Variants in FRY observed in about 807,000 individuals in gnomAD.
FRY encodes FRY microtubule binding protein.
Under a neutral mutation model 348.4 loss-of-function variants are expected in FRY, and 128 were observed. That is an observed-to-expected ratio of 0.37 (90% CI 0.32 to 0.43). The LOEUF (loss-of-function observed/expected upper bound fraction) is 0.43, where lower values mean the gene tolerates loss of function less well. Ranked by LOEUF, FRY falls within the 20% of genes least tolerant of loss-of-function variation. FRY has a pLI of 1.00. For synonymous variants in FRY, 1,370 were observed against 1,374.7 expected, an observed-to-expected ratio of 1.00 and a Z score of 0.08; for missense variants, 2,736 against 3,695.2, an observed-to-expected ratio of 0.74 and a Z score of 6.73.
intron 1 of FRY, among the ~76,000 whole-genome samples, 197 bp downstream of exon 1, chr13:32,032,062 C>T (rs1044212806): frequency 7.2e-6 from 1 of 139,642 alleles, no homozygotes; most frequent in African/African-American, 3.1e-5. Flanking sequence ...CTCCCATCTG[C>T]TGTGAAAATC....
chr13:32,091,149 G>A (rs1294972074), intron 2 of FRY, among the ~76,000 whole-genome samples: 2 of 152,098 alleles, frequency 1.3e-5, no homozygotes, highest in African/African-American at 4.8e-5. Context: ...GGAATAAAAG[G>A]GGAGAAGTTT....
In FRY at chr13:32,117,433, T is replaced by C. The variant is rs774705783; in HGVS notation, c.424T>C (p.Ser142Pro). 2 of 1,613,852 alleles carry C rather than the reference T, an allele frequency of 1.2e-6. No individual in the cohort carries two copies. Among genetic ancestry groups the C allele is most frequent in the Non-Finnish European group, 8.5e-7 (1 of 1,179,724 alleles). Reference sequence around the variant, plus strand: ...AAGGCAAAATGGCATTGAGGATGAATCACATGAATACAGACCAAGAACAAG... The same window carrying C: ...AAGGCAAAATGGCATTGAGGATGAACCACATGAATACAGACCAAGAACAAG... The part of the protein sequence containing the change: ...YKRQNGIEDE[S>P]HEYRPRTSNK... Residue 142 changes from serine (S) to proline (P), a missense_variant, in exon 4 of 61, where the codon TCA becomes CCA. Coordinates refer to ENST00000542859, the MANE Select transcript of FRY (RefSeq NM_023037.3).
In FRY at chr13:32,267,341, G is replaced by C; in HGVS notation, c.8118G>C (p.Val2706=). The stretch of plus-strand genomic sequence containing the variant: ...CCTGTGCTGTGTATACATTTCATGT[G>C]TTCTCCTCCTTGTTTAAGGTATGTG... The part of the protein sequence containing the change: ...DGSCAVYTFH[V]FSSLFKNIQK... Residue 2706 remains valine (V), a synonymous_variant, in exon 55 of 61, where the codon GTG becomes GTC. Transcript: ENST00000542859. 1 of 1,614,022 alleles carries C rather than the reference G, an allele frequency of 6.2e-7. No individual in the cohort carries two copies. The highest frequency in any genetic ancestry group is 8.5e-7 in the Non-Finnish European group (1 of 1,179,940).
Position 32,184,982 on chromosome 13 carries a change from TG to T in FRY, c.3155del (p.Gly1052GlufsTer3). 6.2e-7 allele frequency: 1 copy of T among 1,613,700 alleles called. No individual in the cohort carries two copies. Among genetic ancestry groups the T allele is most frequent in the Non-Finnish European group, 8.5e-7 (1 of 1,179,658 alleles). On this transcript the variant is annotated frameshift_variant, in exon 26 of 61. Transcript: ENST00000542859. LOFTEE classifies it high-confidence loss of function. ...TCATTTTCCTTTATTCCAGCACAAA[TG>T]GAGCCCTAGAGCGGGATACTTTAGC... The part of the protein sequence containing the change: ...DAGVISDSTN[G>X]ALERDTLALG...
At chr13:32,157,589 A>G (rs1881189626) in intron 16 of FRY, among the ~76,000 whole-genome samples, 184 bp downstream of exon 16, 1 of 152,160 alleles carries the variant, frequency 6.6e-6, no homozygotes, top group African/African-American at 2.4e-5. Context: ...TCTGTGATTG[A>G]TCTATTTTAT....
At chr13:32,170,901 A>G in intron 17 of FRY, 111 bp from the exon 18 acceptor site, 1 of 855,506 alleles carries the variant, frequency 1.2e-6, no homozygotes, top group Non-Finnish European at 2.0e-6. Flanking sequence ...AGGGAGACCC[A>G]TTTTCAGACT....
intron 1 of FRY, among the ~76,000 whole-genome samples, chr13:32,042,826 T>C (rs750809617): frequency 1.3e-4 from 20 of 152,226 alleles, no homozygotes; most frequent in Non-Finnish European, 2.6e-4. Flanking sequence ...TTGACTTAGA[T>C]GAATCATGGT....
chr13:32,051,073 T>A (rs892465864), intron 1 of FRY, among the ~76,000 whole-genome samples: 1 of 152,196 alleles, frequency 6.6e-6, no homozygotes, highest in Non-Finnish European at 1.5e-5. Context: ...AATAACTTAA[T>A]CTGAGTGGTT....
chr13:32,145,554 T>TTGAGACGGAG (rs1880375993), intron 11 of FRY, among the ~76,000 whole-genome samples: 2 of 140,292 alleles, frequency 1.4e-5, no homozygotes, highest in Non-Finnish European at 3.1e-5. Context: ...TTTTTTTTTT[T>TTGAGACGGAG]TGAGACGGAG....
chr13:32,031,909 T>C, intron 1 of FRY, 44 bp downstream of exon 1: 1 of 1,091,442 alleles, frequency 9.2e-7, no homozygotes. Context: ...GTTTGCTGGA[T>C]GTTGCATAAG....
chr13:32,113,377 G>A (rs955403981), intron 3 of FRY, among the ~76,000 whole-genome samples: 15 of 152,134 alleles, frequency 9.9e-5, no homozygotes, highest in Non-Finnish European at 1.8e-4. Flanking sequence ...CCTTCTTTGC[G>A]TTTAACAAGT....
rs536156658 is a variant in FRY at position 32,265,474 on chromosome 13, G to C, written c.7804G>C (p.Asp2602His). 14 of 1,614,162 alleles carry C rather than the reference G, an allele frequency of 8.7e-6. 1 individual carries two copies. The African/African-American group carries it at 1.2e-4, about 14-fold the overall frequency. The change falls in exon 54 of 61, where the codon GAC (aspartate) becomes CAC (histidine). Residue 2602 changes from aspartate (D) to histidine (H), a missense_variant. Physicochemically the swap from Asp to His is moderately conservative, Grantham distance 81. This residue lies in a region of FRY where 789 missense variants were observed against 996.2 expected (regional missense o/e 0.79). Coordinates refer to ENST00000542859, the MANE Select transcript of FRY (RefSeq NM_023037.3). ...SKAEAVREEEDTTVHEDDLSS... is the reference protein window; with the variant it reads ...SKAEAVREEEHTTVHEDDLSS... The stretch of plus-strand genomic sequence containing the variant: ...GGCTGAAGCTGTTCGTGAGGAGGAG[G>C]ACACCACCGTGCATGAGGATGATCT...
chr13:32,117,419 G>T lies in FRY; in HGVS notation c.410G>T (p.Gly137Val). The change falls in exon 4 of 61, where the codon GGC becomes GTC. Residue 137 changes from glycine to valine, a missense_variant. By Grantham distance (109) the Gly-to-Val change is moderately radical (BLOSUM62 -3). Around this residue, in one of 9 missense-constraint regions of FRY, gnomAD observed 309 missense variants for 418.1 expected, o/e 0.74. Coordinates refer to ENST00000542859, the MANE Select transcript of FRY (RefSeq NM_023037.3). The stretch of plus-strand genomic sequence containing the variant: ...TTTGACTGGTATAAAAGGCAAAATG[G>T]CATTGAGGATGAATCACATGAATAC... The part of the protein sequence containing the change: ...TLFDWYKRQN[G>V]IEDESHEYRP... 6.2e-7 allele frequency: 1 copy of T among 1,613,798 alleles called. No homozygotes were observed. The highest frequency in any genetic ancestry group is 8.5e-7 in the Non-Finnish European group (1 of 1,179,724).
At chr13:32,055,227 T>C (rs968965145) in intron 1 of FRY, among the ~76,000 whole-genome samples, 1 of 152,022 alleles carries the variant, frequency 6.6e-6, no homozygotes, top group Non-Finnish European at 1.5e-5. Flanking sequence ...GTGTTTTTTG[T>C]AGAGACAGGG....
Position 32,224,332 on chromosome 13 carries a change from C to A in FRY, c.4863C>A (p.Ala1621=), listed in dbSNP as rs750809472. Residue 1621 remains alanine, a synonymous_variant, in exon 37 of 61, where the codon GCC becomes GCA. Transcript: ENST00000542859. ...LPMPCTGGCW[A]PLVDYLPETI... is the part of the protein sequence containing the mutation. The stretch of plus-strand genomic sequence containing the variant: ...TGCCTTGTACTGGAGGATGCTGGGC[C>A]CCCCTGGTTGACTATCTCCCGGAGA... The A allele has an allele frequency of 8.1e-6, 13 of 1,613,950 alleles. No homozygotes were observed. In the South Asian group the frequency reaches 1.3e-4, roughly 16 times the overall value.
At chr13:32,247,582 AAAG>A in intron 48 of FRY, 80 bp downstream of exon 48, 1 of 1,102,596 alleles carries the variant, frequency 9.1e-7, no homozygotes. Context: ...TGCCTGGAAA[AAAG>A]AAGACTTATT....
chr13:32,289,890 T>C, intron 59 of FRY, 147 bp downstream of exon 59: 1 of 682,168 alleles, frequency 1.5e-6, no homozygotes, highest in Non-Finnish European at 2.7e-6. Flanking sequence ...TAAACATGTC[T>C]TGTATGTATT....
In FRY at chr13:32,168,912, G is replaced by A. The variant is rs151125995; in HGVS notation, c.1893-2100G>A. Among the ~76,000 whole-genome samples the A allele has an allele frequency of 1.6e-4, 25 of 152,326 alleles. No individual in the cohort carries two copies. The East Asian group carries it at 4.8e-3, about 29-fold the overall frequency. ...GTGATAACTGGGGTGACTTGTGTCA[G>A]GCTTGTTTTGTGAGAAGTATTTTGG... On this transcript the variant is annotated intron_variant, in intron 17 of 60. Transcript: ENST00000542859.
At chr13:32,216,630 C>G (rs563005272) in intron 35 of FRY, among the ~76,000 whole-genome samples, 61 of 152,316 alleles carry the variant, frequency 4.0e-4, no homozygotes, top group Middle Eastern at 3.4e-3. Flanking sequence ...TGCTTTTGTT[C>G]CTTTCTGAAT....
Sources: allele counts gnomAD v4.1 joint callset (sites outside exome capture counted in the v4.1 genomes callset), GRCh38; gene constraint gnomAD v4.1.1; regional missense constraint gnomAD v4.1.1; transcripts MANE v1.5; gene names NCBI Gene and HGNC (gene_info 2026-07-23, HGNC 2026-07-21).